ESRRG: variants seen among roughly 807,000 people sequenced by gnomAD.
ESRRG encodes the protein estrogen-related receptor gamma.
Under a neutral mutation model 44.0 loss-of-function variants are expected in ESRRG, and 13 were observed. That is an observed-to-expected ratio of 0.30 (90% CI 0.19 to 0.47). The LOEUF (loss-of-function observed/expected upper bound fraction) is 0.47. ESRRG is among the 20% of genes least tolerant of loss of function. The probability of loss-of-function intolerance (pLI) is 1.00; values close to 1 mark genes in which losing one functional copy is unlikely to be tolerated. For synonymous variants in ESRRG, 215 were observed against 214.6 expected, an observed-to-expected ratio of 1.00 and a Z score of -0.02; for missense variants, 395 against 580.6, an observed-to-expected ratio of 0.68 and a Z score of 3.29.
At chr1:216,861,724 C>G (rs939357526) in intron 2 of ESRRG, among the ~76,000 whole-genome samples, 2 of 151,980 alleles carry the variant, frequency 1.3e-5, no homozygotes, top group African/African-American at 4.8e-5. Context: ...AATGTATACT[C>G]TTTAAAAGAC....
intron 1 of ESRRG, among the ~76,000 whole-genome samples, chr1:217,084,472 A>G (rs1227085676): frequency 6.6e-6 from 1 of 152,124 alleles, no homozygotes; most frequent in African/African-American, 2.4e-5. Flanking sequence ...TTAGAATGAG[A>G]CCAAACTTAA....
At chr1:216,579,749 G>GA (rs1441520386) in intron 3 of ESRRG, among the ~76,000 whole-genome samples, 7 of 152,068 alleles carry the variant, frequency 4.6e-5, no homozygotes, top group Non-Finnish European at 1.0e-4. Flanking sequence ...TGTGTGCCAA[G>GA]AAAAAAACAA....
chr1:216,837,753 G>A (rs1234184625), intron 2 of ESRRG, among the ~76,000 whole-genome samples: 1 of 152,204 alleles, frequency 6.6e-6, no homozygotes, highest in Non-Finnish European at 1.5e-5. Flanking sequence ...GAGGAAAGAT[G>A]ACCTGTGGGG....
intron 2 of ESRRG, among the ~76,000 whole-genome samples, chr1:216,880,140 T>C (rs1238325611): frequency 6.6e-6 from 1 of 151,198 alleles, no homozygotes; most frequent in Non-Finnish European, 1.5e-5. Context: ...AAACCCCATC[T>C]CTACTAAAAT....
chr1:216,779,625 C>T (rs905488166), intron 2 of ESRRG, among the ~76,000 whole-genome samples: 1 of 133,896 alleles, frequency 7.5e-6, no homozygotes, highest in Non-Finnish European at 1.5e-5. Flanking sequence ...AAAACTTGCA[C>T]TGTTTTTAAA....
intron 1 of ESRRG, among the ~76,000 whole-genome samples, chr1:216,691,247 C>T (rs961439039): frequency 6.6e-6 from 1 of 152,138 alleles, no homozygotes; most frequent in East Asian, 1.9e-4. Context: ...AGAGGATAGT[C>T]ATTTGATTTT....
chr1:216,672,199 T>A (rs548516444), intron 2 of ESRRG, among the ~76,000 whole-genome samples: 19 of 152,328 alleles, frequency 1.2e-4, no homozygotes, highest in Non-Finnish European at 2.1e-4. Context: ...GCTGCCACTG[T>A]AACCCTATTG....
At chr1:216,892,477 A>G (rs1044047545) in intron 2 of ESRRG, among the ~76,000 whole-genome samples, 7 of 152,144 alleles carry the variant, frequency 4.6e-5, no homozygotes, top group Non-Finnish European at 1.0e-4. Context: ...GCCTCTATGT[A>G]ACAAAAAATC....
intron 2 of ESRRG, among the ~76,000 whole-genome samples, chr1:216,739,114 C>A (rs1056056861): frequency 6.6e-6 from 1 of 152,086 alleles, no homozygotes; most frequent in African/African-American, 2.4e-5. Context: ...CTCAACTAAC[C>A]AAATGCTATT....
chr1:216,645,604 G>A (rs537435322), intron 3 of ESRRG, among the ~76,000 whole-genome samples: 33 of 152,172 alleles, frequency 2.2e-4, no homozygotes, highest in African/African-American at 7.7e-4. Context: ...AGGCACAGTG[G>A]TTCATGCCTG....
At chr1:216,767,958 G>A (rs2093168552) in intron 2 of ESRRG, among the ~76,000 whole-genome samples, 1 of 152,066 alleles carries the variant, frequency 6.6e-6, no homozygotes, top group African/African-American at 2.4e-5. Flanking sequence ...TAAAGTCAAG[G>A]TGAAAAGTCA....
intron 3 of ESRRG, among the ~76,000 whole-genome samples, chr1:216,573,405 A>T (rs2061173080): frequency 6.6e-6 from 1 of 151,940 alleles, no homozygotes; most frequent in Admixed American, 6.6e-5. Context: ...TGTAAAGAGT[A>T]TATCCTCCAT....
chr1:216,997,575 T>C (rs1384792615), intron 1 of ESRRG, among the ~76,000 whole-genome samples: 1 of 152,230 alleles, frequency 6.6e-6, no homozygotes, highest in Non-Finnish European at 1.5e-5. Context: ...ACATTATAGA[T>C]TCTCTGTAAC....
At chr1:217,003,010 G>A (rs940018503) in intron 1 of ESRRG, among the ~76,000 whole-genome samples, 6 of 152,124 alleles carry the variant, frequency 3.9e-5, no homozygotes, top group Non-Finnish European at 5.9e-5. Flanking sequence ...GCAGATAACT[G>A]TTATATTCCA....
At chr1:216,622,630 A>ACACACACACT (rs1212509080) in intron 3 of ESRRG, among the ~76,000 whole-genome samples, 2 of 152,058 alleles carry the variant, frequency 1.3e-5, no homozygotes, top group Admixed American at 6.6e-5. Context: ...ACACACACAC[A>ACACACACACT]CACACGCTTC....
chr1:216,534,102 G>C (rs1382091337), intron 5 of ESRRG, among the ~76,000 whole-genome samples: 1 of 152,106 alleles, frequency 6.6e-6, no homozygotes, highest in Non-Finnish European at 1.5e-5. Flanking sequence ...ACACACAAAT[G>C]CAGGCACATT....
chr1:216,619,671 G>T (rs1233929005), intron 3 of ESRRG, among the ~76,000 whole-genome samples: 2 of 152,154 alleles, frequency 1.3e-5, no homozygotes, highest in African/African-American at 4.8e-5. Flanking sequence ...CCTGAAGCCT[G>T]CTTACCTTCC....
rs1553720877 is a variant in ESRRG at position 216,939,364 on chromosome 1, A to AAAAAAAAAAAAAAAAC, written c.-14+217_-14+218insGTTTTTTTTTTTTTTT. 6.1e-4 allele frequency among the ~76,000 whole-genome samples: 82 copies of AAAAAAAAAAAAAAAAC among 133,784 alleles called. 3 individuals carry two copies. The highest frequency in any genetic ancestry group is 1.8e-3 in the African/African-American group (58 of 32,092). The allele number at this position is 133,784 out of a possible 152,430, so 87.8% of individuals were successfully genotyped here. On this transcript the variant is annotated intron_variant, in intron 2 of 7. Coordinates refer to the ESRRG transcript ENST00000359162. ...TAGACAAAAAAAAAAAAAAAAAAAAAAAAAAACACTTTAAAGGCATTTAAA... is the reference window on the plus strand; with the variant it reads ...TAGACAAAAAAAAAAAAAAAAAAAAAAAAAAAAAAAAAAAACAAAAAACACTTTAAAGGCATTTAAA...
chr1:216,643,110 T>G (rs2066785449), intron 3 of ESRRG, among the ~76,000 whole-genome samples: 1 of 152,166 alleles, frequency 6.6e-6, no homozygotes, highest in Non-Finnish European at 1.5e-5. Context: ...AAATCAAGAC[T>G]CAAGCTGTGG....
Sources: gnomAD v4.1 joint callset for allele counts (sites outside exome capture counted in the v4.1 genomes callset) on GRCh38, gnomAD v4.1.1 for gene constraint, MANE v1.5 for transcripts, NCBI Gene and HGNC (gene_info 2026-07-23, HGNC 2026-07-21) for gene names.